HECTD4: variants seen among roughly 807,000 people sequenced by gnomAD.
HECTD4 encodes the protein probable E3 ubiquitin-protein ligase HECTD4.
Under a neutral mutation model 471.5 loss-of-function variants are expected in HECTD4, and 114 were observed. The observed-to-expected ratio is 0.24, with a 90% confidence interval of 0.21 to 0.28. The LOEUF (loss-of-function observed/expected upper bound fraction) is 0.28. Among genes scored for constraint, HECTD4 ranks in the 10% least tolerant of loss-of-function variants. The pLI, the probability that HECTD4 is intolerant of heterozygous loss-of-function variation, is 1.00. For synonymous variants in HECTD4, 2,012 were observed against 2,256.0 expected, an observed-to-expected ratio of 0.89 and a Z score of 3.07; for missense variants, 3,866 against 5,651.5, an observed-to-expected ratio of 0.68 and a Z score of 10.13.
intron 62 of HECTD4, among the ~76,000 whole-genome samples, chr12:112,180,716 A>C (rs1330863439): frequency 6.6e-6 from 1 of 152,160 alleles, no homozygotes; most frequent in Admixed American, 6.6e-5. Context: ...ACTGGGAAAG[A>C]TAATCATGGC....
At chr12:112,248,952 C>T (rs1031302725) in intron 25 of HECTD4, among the ~76,000 whole-genome samples, 1 of 152,196 alleles carries the variant, frequency 6.6e-6, no homozygotes, top group African/African-American at 2.4e-5. Context: ...ATTCACCACA[C>T]CTCCTTTATT....
chr12:112,172,579 G>A (rs2031269974), intron 67 of HECTD4, 92 bp downstream of exon 67: 6 of 1,280,410 alleles, frequency 4.7e-6, no homozygotes, highest in Non-Finnish European at 1.1e-6. Context: ...TTCGATGGAC[G>A]TCTAAATGAA....
intron 67 of HECTD4, 172 bp from the exon 68 acceptor site, chr12:112,171,435 C>T: frequency 1.9e-6 from 2 of 1,043,538 alleles, no homozygotes; most frequent in East Asian, 5.3e-5. Context: ...GTGCCTATGC[C>T]AAGCAGACAC....
intron 28 of HECTD4, 84 bp downstream of exon 28, chr12:112,247,378 T>C (rs1566086328): frequency 2.0e-5 from 14 of 698,852 alleles, no homozygotes; most frequent in Admixed American, 3.5e-5. Context: ...CATTTAAAAA[T>C]ATATCTATTA....
chr12:112,268,879 T>G (rs2034346196), intron 13 of HECTD4, among the ~76,000 whole-genome samples: 1 of 130,484 alleles, frequency 7.7e-6, no homozygotes, highest in Non-Finnish European at 1.6e-5. Context: ...TTTTTTTTTT[T>G]TTTTTTTTTT....
Position 112,362,351 on chromosome 12 carries a change from C to T in HECTD4, c.177+19601G>A, listed in dbSNP as rs148160043. Among the ~76,000 whole-genome samples, 242 of 152,210 alleles carry T rather than the reference C, an allele frequency of 1.6e-3. 1 individual carries two copies. The highest frequency in any genetic ancestry group is 5.7e-3 in the African/African-American group (236 of 41,524). Reference sequence around the variant, plus strand: ...TCTAAGTACTTCATACTTTAATATTCTCAAAAATACCACCTTCATCACCTG... The same window carrying T: ...TCTAAGTACTTCATACTTTAATATTTTCAAAAATACCACCTTCATCACCTG... On this transcript the variant is annotated intron_variant, in intron 1 of 75. Transcript: ENST00000682272.
intron 7 of HECTD4, 62 bp downstream of exon 7, chr12:112,306,002 T>TATA: frequency 6.6e-7 from 1 of 1,509,004 alleles, no homozygotes. Flanking sequence ...TGCACACCAA[T>TATA]ATAAAAAGAA....
chr12:112,293,237 T>TGGCTTGC (rs1312440177), intron 7 of HECTD4, among the ~76,000 whole-genome samples: 1 of 149,424 alleles, frequency 6.7e-6, no homozygotes, highest in East Asian at 2.0e-4. Flanking sequence ...GTGGTGGTGG[T>TGGCTTGC]GCCTGTAATC....
At chr12:112,204,675 A>G (rs1013299509) in intron 52 of HECTD4, 52 bp from the exon 53 acceptor site, 29 of 1,397,688 alleles carry the variant, frequency 2.1e-5, no homozygotes, top group Non-Finnish European at 2.8e-5. Context: ...ACACAGATCA[A>G]CCATGACACT....
chr12:112,306,853 C>G (rs2035280820), intron 6 of HECTD4, among the ~76,000 whole-genome samples: 1 of 152,156 alleles, frequency 6.6e-6, no homozygotes, highest in African/African-American at 2.4e-5. Flanking sequence ...TGAAATTCAC[C>G]AAGTCCATCA....
Position 112,193,672 on chromosome 12 carries a change from C to T in HECTD4, c.8752G>A (p.Gly2918Ser), listed in dbSNP as rs267603312. 3 of 1,609,888 alleles carry T rather than the reference C, an allele frequency of 1.9e-6. No individual in the cohort carries two copies. Among genetic ancestry groups the T allele is most frequent in the Non-Finnish European group, 2.5e-6 (3 of 1,178,202 alleles). The change falls in exon 57 of 76, where the codon GGC (glycine) becomes AGC (serine). Residue 2918 changes from glycine (G) to serine (S), a missense_variant and splice_region_variant. Gly to Ser is a moderately conservative substitution (Grantham distance 56). Transcript: ENST00000682272. The surrounding 1 kb of genome is among the most constrained non-coding windows in gnomAD (Gnocchi z 5.2). ...AGGATCGAGCTGGAGCTGATGGTGC[C>T]GTCTGGGGACGGAAAGGAAACAGAA... ...NQLLAPPLPD[G>S]TISSSSILLA... is the part of the protein sequence containing the mutation.
Position 112,306,209 on chromosome 12 carries a change from G to C in HECTD4, c.1190C>G (p.Ala397Gly), listed in dbSNP as rs779523069. 9 of 1,580,562 alleles carry C rather than the reference G, an allele frequency of 5.7e-6. No individual in the cohort carries two copies. Among genetic ancestry groups the C allele is most frequent in the Non-Finnish European group, 7.7e-6 (9 of 1,167,098 alleles). ...LQVCQVVPMPANHLPIGSTMS... is the reference protein window; with the variant it reads ...LQVCQVVPMPGNHLPIGSTMS... ...GGTGCTGCCAATGGGGAGGTGATTGGCTGGCATTGGCACCACCTGGCACAC... is the reference window on the plus strand; with the variant it reads ...GGTGCTGCCAATGGGGAGGTGATTGCCTGGCATTGGCACCACCTGGCACAC... The change falls in exon 7 of 76, where the codon GCC becomes GGC. Residue 397 changes from alanine to glycine, a missense_variant. By Grantham distance (60) the Ala-to-Gly change is moderately conservative (BLOSUM62 0). Coordinates refer to ENST00000682272, the MANE Select transcript of HECTD4 (RefSeq NM_001388303.1).
intron 10 of HECTD4, 124 bp downstream of exon 10, chr12:112,274,723 A>T: frequency 1.5e-6 from 1 of 660,506 alleles, no homozygotes; most frequent in Non-Finnish European, 2.6e-6. Flanking sequence ...ACAAAACAAA[A>T]CAAAACAAAA....
Position 112,173,591 on chromosome 12 carries a change from T to A in HECTD4, c.11595-730A>T, listed in dbSNP as rs1020554737. 1.3e-5 allele frequency among the ~76,000 whole-genome samples: 2 copies of A among 151,930 alleles called. No homozygotes were observed. The highest frequency in any genetic ancestry group is 1.3e-4 in the Admixed American group (2 of 15,242). On this transcript the variant is annotated intron_variant, in intron 66 of 75. Transcript: ENST00000682272. The surrounding 1 kb of genome is among the most constrained non-coding windows in gnomAD (Gnocchi z 4.3). ...TTGTATTTTTAGTAGAGACGAGGTT[T>A]CACCGTGTTAGCCAGGATGGTCTCA...
At chr12:112,346,832 A>C (rs889625548) in intron 1 of HECTD4, among the ~76,000 whole-genome samples, 2 of 152,218 alleles carry the variant, frequency 1.3e-5, no homozygotes, top group African/African-American at 4.8e-5. Context: ...CGAGAAAAGG[A>C]GACAGAATTT....
In HECTD4 at chr12:112,228,534, T is replaced by G. The variant is rs1157059234; in HGVS notation, c.6684+113A>C. 5 of 1,010,148 alleles carry G rather than the reference T, an allele frequency of 4.9e-6. No homozygotes were observed. The African/African-American group carries it at 8.2e-5, about 17-fold the overall frequency. The allele number at this position is 1,010,148 out of a possible 1,614,324, so 62.6% of individuals were successfully genotyped here. ...CCAATACATAAATATACATCACAAG[T>G]ACAATTTAAGATAATCAAGCATTTG... On this transcript the variant is annotated intron_variant, in intron 42 of 75. Coordinates refer to ENST00000682272, the MANE Select transcript of HECTD4 (RefSeq NM_001388303.1). The surrounding 1 kb of genome is among the most constrained non-coding windows in gnomAD (Gnocchi z 4.9).
chr12:112,200,989 A>C, intron 54 of HECTD4, 191 bp from the exon 55 acceptor site: 1 of 610,502 alleles, frequency 1.6e-6, no homozygotes, highest in Non-Finnish European at 2.9e-6. Context: ...AGAATTCACA[A>C]TACATTTTTG....
chr12:112,282,185 C>T (rs1237407929), intron 8 of HECTD4, among the ~76,000 whole-genome samples: 1 of 152,138 alleles, frequency 6.6e-6, no homozygotes, highest in Non-Finnish European at 1.5e-5. Context: ...AGATCGAGAC[C>T]ATCCTGGCTA....
At chr12:112,345,943 C>A (rs570587388) in intron 1 of HECTD4, among the ~76,000 whole-genome samples, 28 of 152,296 alleles carry the variant, frequency 1.8e-4, no homozygotes, top group African/African-American at 6.3e-4. Context: ...TGGATCTTTC[C>A]TGAATGTTCT....
Sources: gnomAD v4.1 joint callset for allele counts (sites outside exome capture counted in the v4.1 genomes callset) on GRCh38, gnomAD v4.1.1 for gene constraint, Gnocchi (gnomAD v3.1) non-coding constraint, MANE v1.5 for transcripts, NCBI Gene and HGNC (gene_info 2026-07-23, HGNC 2026-07-21) for gene names.